The following CCDC85C variants were observed in gnomAD, a reference collection of about 807,000 sequenced individuals.
CCDC85C encodes coiled-coil domain-containing protein 85C.
A neutral mutation model predicts 38.3 loss-of-function variants in CCDC85C; 18 were observed. The ratio of observed to expected loss-of-function variants is 0.47; its 90% confidence interval spans 0.33 to 0.70. The LOEUF (loss-of-function observed/expected upper bound fraction) is 0.70, where lower values mean the gene tolerates loss of function less well. Ranked by LOEUF, CCDC85C falls within the 30% of genes least tolerant of loss-of-function variation. CCDC85C has a pLI of 0.03. For missense variants in CCDC85C, 566 were observed against 621.2 expected, an observed-to-expected ratio of 0.91 and a Z score of 0.94; for synonymous variants, 264 against 293.8, an observed-to-expected ratio of 0.90 and a Z score of 1.04.
intron 1 of CCDC85C, among the ~76,000 whole-genome samples, chr14:99,594,610 G>A (rs762866121): frequency 5.9e-5 from 9 of 152,222 alleles, no homozygotes; most frequent in South Asian, 2.1e-4. Flanking sequence ...CTGAGTGACC[G>A]ATAGGAGGCA....
At chr14:99,543,037 G>A (rs1897743172) in intron 1 of CCDC85C, among the ~76,000 whole-genome samples, 2 of 152,350 alleles carry the variant, frequency 1.3e-5, no homozygotes, top group Admixed American at 6.5e-5. Context: ...TTGGAGAGCA[G>A]AGAGAATCCT....
intron 1 of CCDC85C, among the ~76,000 whole-genome samples, chr14:99,571,282 C>T (rs1898335619): frequency 6.6e-6 from 1 of 152,144 alleles, no homozygotes; most frequent in East Asian, 1.9e-4. Context: ...CAGGCCATCT[C>T]GCCAAGGCCT....
At position 99,509,922 on chromosome 14, in the gene CCDC85C, C is replaced by T; in HGVS notation, c.*5324G>A. 1.7e-6 allele frequency: 1 copy of T among 589,442 alleles called. No individual in the cohort carries two copies. Among genetic ancestry groups the T allele is most frequent in the Non-Finnish European group, 3.0e-6 (1 of 331,732 alleles). 36.5% of individuals were successfully genotyped at this position (589,442 alleles called of 1,614,324 possible). A position where few individuals can be genotyped will look rare whatever the true frequency, so the allele number is the denominator to read the frequency against. ...CTGCCTGTAGGTGGTGTGGTCAGGG[C>T]TGAGGGAGGGAAAACCCCAGGTCGT... On this transcript the variant is annotated 3_prime_UTR_variant, in exon 6 of 6. Coordinates refer to ENST00000380243, the MANE Select transcript of CCDC85C (RefSeq NM_001144995.2).
In CCDC85C at chr14:99,502,063, ACT is replaced by A. The variant is rs1896843529; in HGVS notation, c.*13181_*13182del. On this transcript the variant is annotated 3_prime_UTR_variant, in exon 6 of 6. Coordinates refer to ENST00000380243, the MANE Select transcript of CCDC85C (RefSeq NM_001144995.2). The stretch of plus-strand genomic sequence containing the variant: ...GTCGGGTACCTTTAGAAGAGTAAAG[ACT>A]TGAGTTTATTTATTTATAGTACTTT... 30 of 871,672 alleles carry A rather than the reference ACT, an allele frequency of 3.4e-5. No homozygotes were observed. In the South Asian group the frequency reaches 4.8e-4, roughly 14 times the overall value. 54.0% of individuals were successfully genotyped at this position (871,672 alleles called of 1,614,324 possible).
At chr14:99,566,247 GC>G (rs1566775895) in intron 1 of CCDC85C, among the ~76,000 whole-genome samples, 1 of 152,224 alleles carries the variant, frequency 6.6e-6, no homozygotes, top group African/African-American at 2.4e-5. Flanking sequence ...TGTCTTGTTG[GC>G]ATTTACCATG....
chr14:99,574,370 T>C (rs901368672), intron 1 of CCDC85C, among the ~76,000 whole-genome samples: 1 of 151,994 alleles, frequency 6.6e-6, no homozygotes, highest in Admixed American at 6.5e-5. Flanking sequence ...TGAGCCACTC[T>C]CCGTGCTATA....
chr14:99,510,511 C>A lies in CCDC85C; in HGVS notation c.*4735G>T. 3 of 777,872 alleles carry A rather than the reference C, an allele frequency of 3.9e-6. No homozygotes were observed. Among genetic ancestry groups the A allele is most frequent in the Non-Finnish European group, 5.7e-6 (3 of 529,796 alleles). The allele number at this position is 777,872 out of a possible 1,614,324, so 48.2% of individuals were successfully genotyped here. ...CCCCCGCCACCTGTGCCTCCTCCCCCAGCCTCCTTCCCCCCACCTGCCATC... is the reference window on the plus strand; with the variant it reads ...CCCCCGCCACCTGTGCCTCCTCCCCAAGCCTCCTTCCCCCCACCTGCCATC... On this transcript the variant is annotated 3_prime_UTR_variant, in exon 6 of 6. Transcript: ENST00000380243.
chr14:99,527,200 A>G (rs772528552), intron 2 of CCDC85C, among the ~76,000 whole-genome samples: 2 of 152,196 alleles, frequency 1.3e-5, no homozygotes, highest in African/African-American at 2.4e-5. Flanking sequence ...AAGGGGAGGT[A>G]GACTTGGCAC....
At chr14:99,570,583 G>A (rs1898317556) in intron 1 of CCDC85C, among the ~76,000 whole-genome samples, 1 of 152,072 alleles carries the variant, frequency 6.6e-6, no homozygotes, top group Non-Finnish European at 1.5e-5. Flanking sequence ...GGTCATGGGA[G>A]GGTGTGGGGC....
Position 99,588,177 on chromosome 14 carries a change from C to G in CCDC85C, c.793+14990G>C, listed in dbSNP as rs745511458. Among the ~76,000 whole-genome samples, 1 of 152,124 alleles carries G rather than the reference C, an allele frequency of 6.6e-6. No individual in the cohort carries two copies. The highest frequency in any genetic ancestry group is 1.5e-5 in the Non-Finnish European group (1 of 68,040). ...GGTCTGGGGAGACAAGCATCTCAGC[C>G]GAACACAACAGTCACCCTGGGACAG... On this transcript the variant is annotated intron_variant, in intron 1 of 5. Coordinates refer to ENST00000380243, the MANE Select transcript of CCDC85C (RefSeq NM_001144995.2). The surrounding 1 kb of genome is among the most constrained non-coding windows in gnomAD (Gnocchi z 5.0).
At chr14:99,563,827 C>T (rs1898164182) in intron 1 of CCDC85C, among the ~76,000 whole-genome samples, 1 of 152,226 alleles carries the variant, frequency 6.6e-6, no homozygotes, top group Admixed American at 6.5e-5. Context: ...CATTCCTGGG[C>T]ACGAGCCAGA....
At chr14:99,540,732 A>G (rs1401984814) in intron 1 of CCDC85C, among the ~76,000 whole-genome samples, 1 of 152,116 alleles carries the variant, frequency 6.6e-6, no homozygotes, top group Non-Finnish European at 1.5e-5. Flanking sequence ...TCTCCCTACA[A>G]CGTTCTTGTG....
Position 99,544,676 on chromosome 14 carries a change from C to A in CCDC85C, c.794-8588G>T, listed in dbSNP as rs916516031. On this transcript the variant is annotated intron_variant, in intron 1 of 5. Coordinates refer to ENST00000380243, the MANE Select transcript of CCDC85C (RefSeq NM_001144995.2). The surrounding 1 kb of genome is among the most constrained non-coding windows in gnomAD (Gnocchi z 5.3). Reference sequence around the variant, plus strand: ...GGCCCAGGCTCCAGGGAGCGTCACTCTGAACTCCATTATCCTTGACCCATC... The same window carrying A: ...GGCCCAGGCTCCAGGGAGCGTCACTATGAACTCCATTATCCTTGACCCATC... 2.0e-5 allele frequency among the ~76,000 whole-genome samples: 3 copies of A among 152,190 alleles called. No homozygotes were observed. The highest frequency in any genetic ancestry group is 7.2e-5 in the African/African-American group (3 of 41,442).
chr14:99,577,992 G>A (rs1566780268), intron 1 of CCDC85C, among the ~76,000 whole-genome samples: 1 of 140,324 alleles, frequency 7.1e-6, no homozygotes, highest in Non-Finnish European at 1.5e-5. Context: ...CGGTGTGTTT[G>A]TGTGTGTGAG....
chr14:99,562,759 ACG>A (rs949721461), intron 1 of CCDC85C, among the ~76,000 whole-genome samples: 2 of 100,674 alleles, frequency 2.0e-5, no homozygotes, highest in African/African-American at 1.0e-4. Flanking sequence ...GCATGCACAC[ACG>A]TGTGTACAAA....
At position 99,576,326 on chromosome 14, in the gene CCDC85C, G is replaced by T. The variant is rs1165200223; in HGVS notation, c.793+26841C>A. 6.6e-6 allele frequency: 1 copy of T among 152,302 alleles called. No homozygotes were observed. The highest frequency in any genetic ancestry group is 1.9e-4 in the East Asian group (1 of 5,178). 9.4% of individuals were successfully genotyped at this position (152,302 alleles called of 1,614,324 possible). ...GGGCCCCTCGAGGGTGGTCCCAAAGGTCCCCAGGCCACACAGCTTAAGGCA... is the reference window on the plus strand; with the variant it reads ...GGGCCCCTCGAGGGTGGTCCCAAAGTTCCCCAGGCCACACAGCTTAAGGCA... On this transcript the variant is annotated intron_variant, in intron 1 of 5. Transcript: ENST00000380243. This position sits in a 1 kb window ranked among gnomAD's most constrained non-coding sequence, Gnocchi z 4.8.
rs1011312160 is a variant in CCDC85C at position 99,520,412 on chromosome 14, G to A, written c.975+1721C>T. 2.0e-4 allele frequency among the ~76,000 whole-genome samples: 30 copies of A among 150,726 alleles called. No individual in the cohort carries two copies. The highest frequency in any genetic ancestry group is 7.3e-4 in the African/African-American group (30 of 40,966). On this transcript the variant is annotated intron_variant, in intron 3 of 5. Coordinates refer to ENST00000380243, the MANE Select transcript of CCDC85C (RefSeq NM_001144995.2). This position sits in a 1 kb window ranked among gnomAD's most constrained non-coding sequence, Gnocchi z 4.1. ...CCTTGACCCCTCAACCCCCACTCCT[G>A]GGGGCCTGCCCGCCGACCAGCCCCG...
intron 1 of CCDC85C, among the ~76,000 whole-genome samples, chr14:99,574,912 G>A (rs375930867): frequency 6.6e-6 from 1 of 152,166 alleles, no homozygotes; most frequent in Non-Finnish European, 1.5e-5. Context: ...TCTGTGGGAC[G>A]CTGGCCATCC....
intron 1 of CCDC85C, among the ~76,000 whole-genome samples, chr14:99,568,893 C>T (rs1350677361): frequency 6.6e-6 from 1 of 152,210 alleles, no homozygotes; most frequent in Non-Finnish European, 1.5e-5. Flanking sequence ...GATGAGGGGA[C>T]GCTCCAGCAG....
Sources: allele counts gnomAD v4.1 joint callset (sites outside exome capture counted in the v4.1 genomes callset), GRCh38; gene constraint gnomAD v4.1.1; non-coding constraint Gnocchi (gnomAD v3.1); transcripts MANE v1.5; gene names NCBI Gene and HGNC (gene_info 2026-07-23, HGNC 2026-07-21).